CNTN5: variants seen among roughly 807,000 people sequenced by gnomAD.
CNTN5 encodes contactin 5.
Under a neutral mutation model 129.1 loss-of-function variants are expected in CNTN5, and 77 were observed. That is an observed-to-expected ratio of 0.60 (90% confidence interval 0.50 to 0.72). The LOEUF (loss-of-function observed/expected upper bound fraction) is 0.72, where lower values mean the gene tolerates loss of function less well. CNTN5 is among the 30% of genes least tolerant of loss of function. CNTN5 has a pLI of 0.00. For missense variants in CNTN5, 1,478 were observed against 1,328.8 expected (o/e 1.11, Z -1.75); for synonymous variants, 509 against 465.6 (o/e 1.09, Z -1.20).
intron 1 of CNTN5, among the ~76,000 whole-genome samples, chr11:99,251,564 T>C (rs150981005): frequency 7.2e-5 from 11 of 152,024 alleles, no homozygotes; most frequent in Non-Finnish European, 1.6e-4. Context: ...AAAATATTTC[T>C]AGATTTAAAA....
chr11:99,913,602 G>A (rs529160150), intron 6 of CNTN5, among the ~76,000 whole-genome samples: 35 of 152,156 alleles, frequency 2.3e-4, no homozygotes, highest in Admixed American at 1.7e-3. Context: ...AGCAATTGGA[G>A]TGAAGTATCA....
chr11:100,322,624 G>A (rs1171301541), intron 21 of CNTN5, among the ~76,000 whole-genome samples: 1 of 152,064 alleles, frequency 6.6e-6, no homozygotes, highest in East Asian at 1.9e-4. Context: ...GGTCTGTTAT[G>A]AATAACACTA....
chr11:100,001,647 G>A (rs1475369325), intron 8 of CNTN5, among the ~76,000 whole-genome samples: 1 of 152,110 alleles, frequency 6.6e-6, no homozygotes, highest in Non-Finnish European at 1.5e-5. Context: ...GCATATTATA[G>A]ATATTCAATA....
In CNTN5 at chr11:99,097,793, A is replaced by G. The variant is rs148082785; in HGVS notation, c.-210+76523A>G. Reference sequence around the variant, plus strand: ...TGCTAATGTCTTTCCTACATAGGTAAAACAATTTATACTTTAAGTTAGGTG... The same window carrying G: ...TGCTAATGTCTTTCCTACATAGGTAGAACAATTTATACTTTAAGTTAGGTG... On this transcript the variant is annotated intron_variant, in intron 1 of 24. Transcript: ENST00000524871. Among the ~76,000 whole-genome samples the G allele has an allele frequency of 7.7e-4, 117 of 152,126 alleles. 1 individual carries two copies. Among genetic ancestry groups the G allele is most frequent in the Non-Finnish European group, 3.7e-4 (25 of 67,890 alleles).
intron 1 of CNTN5, among the ~76,000 whole-genome samples, chr11:99,242,313 A>C (rs1377637458): frequency 6.6e-6 from 1 of 152,086 alleles, no homozygotes; most frequent in African/African-American, 2.4e-5. Context: ...TGAGGAAGAA[A>C]CATATTGAAG....
At chr11:100,045,929 CT>C (rs1283432921) in intron 9 of CNTN5, among the ~76,000 whole-genome samples, 1 of 152,020 alleles carries the variant, frequency 6.6e-6, no homozygotes, top group Admixed American at 6.6e-5. Flanking sequence ...ACATCAAACA[CT>C]TTTTTTCCTG....
intron 3 of CNTN5, among the ~76,000 whole-genome samples, chr11:99,620,772 G>T (rs917669415): frequency 6.6e-6 from 1 of 151,522 alleles, no homozygotes; most frequent in Non-Finnish European, 1.5e-5. Context: ...AAAAAATAGG[G>T]GACTCTCAAA....
chr11:99,909,667 T>C (rs1949603838), intron 6 of CNTN5, among the ~76,000 whole-genome samples: 1 of 152,102 alleles, frequency 6.6e-6, no homozygotes, highest in African/African-American at 2.4e-5. Context: ...TGTAAGGACA[T>C]GGATGAAGCT....
At chr11:99,755,637 G>T (rs1282171464) in intron 3 of CNTN5, among the ~76,000 whole-genome samples, 1 of 151,344 alleles carries the variant, frequency 6.6e-6, no homozygotes. Context: ...ATATGTTTTT[G>T]CAAATATTTT....
intron 3 of CNTN5, among the ~76,000 whole-genome samples, chr11:99,579,146 T>A (rs1565314788): frequency 1.3e-5 from 2 of 152,150 alleles, no homozygotes; most frequent in African/African-American, 2.4e-5. Flanking sequence ...GTTGTAGATA[T>A]GCGGCATTAT....
At chr11:100,113,606 G>T (rs1466287807) in intron 13 of CNTN5, among the ~76,000 whole-genome samples, 1 of 151,788 alleles carries the variant, frequency 6.6e-6, no homozygotes, top group Admixed American at 6.6e-5. Flanking sequence ...ACAATGAAAG[G>T]TTTTGCCACC....
chr11:99,629,721 A>G (rs1951269861), intron 3 of CNTN5, among the ~76,000 whole-genome samples: 1 of 151,938 alleles, frequency 6.6e-6, no homozygotes, highest in African/African-American at 2.4e-5. Flanking sequence ...ACAATTATAC[A>G]GAGCCTATTG....
chr11:99,248,945 T>A (rs965214976), intron 1 of CNTN5, among the ~76,000 whole-genome samples: 2 of 152,116 alleles, frequency 1.3e-5, no homozygotes, highest in Non-Finnish European at 2.9e-5. Flanking sequence ...CTTGGCAATG[T>A]CGGCTCTTTT....
intron 3 of CNTN5, among the ~76,000 whole-genome samples, chr11:99,786,877 G>T (rs568792699): frequency 5.3e-5 from 8 of 152,070 alleles, no homozygotes; most frequent in Admixed American, 2.0e-4. Context: ...AGATTTAAAC[G>T]TAAGAACTTT....
At chr11:99,093,261 T>TATTA (rs1866328090) in intron 1 of CNTN5, among the ~76,000 whole-genome samples, 1 of 152,018 alleles carries the variant, frequency 6.6e-6, no homozygotes, top group African/African-American at 2.4e-5. Context: ...TTGTAATAGA[T>TATTA]ATTAATTAAA....
chr11:99,998,700 C>G (rs1939628832), intron 8 of CNTN5, among the ~76,000 whole-genome samples: 1 of 134,252 alleles, frequency 7.4e-6, no homozygotes, highest in Non-Finnish European at 1.6e-5. Flanking sequence ...ATCACCAAGT[C>G]AATCCTAAGC....
chr11:99,026,918 C>T (rs563630737), intron 1 of CNTN5, among the ~76,000 whole-genome samples: 70 of 151,602 alleles, frequency 4.6e-4, no homozygotes, highest in Admixed American at 7.9e-4. Flanking sequence ...CTTGTTGCCA[C>T]TGATTATACA....
At chr11:100,169,657 C>G (rs1358873256) in intron 13 of CNTN5, among the ~76,000 whole-genome samples, 1 of 151,922 alleles carries the variant, frequency 6.6e-6, no homozygotes, top group East Asian at 1.9e-4. Flanking sequence ...CTTTTGTATG[C>G]ATTGGAAAAC....
intron 1 of CNTN5, among the ~76,000 whole-genome samples, chr11:99,321,712 T>C (rs564844030): frequency 4.3e-4 from 65 of 152,292 alleles, no homozygotes; most frequent in African/African-American, 1.5e-3. Flanking sequence ...CTTGATTGAT[T>C]GATTGAGTAG....
Sources: gnomAD v4.1 joint callset for allele counts (sites outside exome capture counted in the v4.1 genomes callset) on GRCh38, gnomAD v4.1.1 for gene constraint, MANE v1.5 for transcripts, NCBI Gene and HGNC (gene_info 2026-07-23, HGNC 2026-07-21) for gene names.